TXNRD1: variants seen among roughly 807,000 people sequenced by gnomAD.
TXNRD1 encodes the protein thioredoxin reductase 1, also known as thioredoxin reductase 1, cytoplasmic.
Under a neutral mutation model 80.3 loss-of-function variants are expected in TXNRD1, and 57 were observed. That is an observed-to-expected ratio of 0.71 (90% CI 0.57 to 0.89). The LOEUF (loss-of-function observed/expected upper bound fraction) is 0.89. TXNRD1 is among the 40% of genes least tolerant of loss of function. TXNRD1 has a pLI of 0.00. For missense variants in TXNRD1, 730 were observed against 803.0 expected, an observed-to-expected ratio of 0.91 and a Z score of 1.10; for synonymous variants, 291 against 285.2, an observed-to-expected ratio of 1.02 and a Z score of -0.20.
At chr12:104,346,312 CA>C (rs2036490508) in intron 16 of TXNRD1, among the ~76,000 whole-genome samples, 1 of 152,180 alleles carries the variant, frequency 6.6e-6, no homozygotes, top group Non-Finnish European at 1.5e-5. Context: ...GGTGCCTGGC[CA>C]GTTTTTTATT....
intron 6 of TXNRD1, among the ~76,000 whole-genome samples, chr12:104,315,295 C>A (rs886417875): frequency 2.0e-5 from 3 of 152,186 alleles, no homozygotes; most frequent in Non-Finnish European, 4.4e-5. Flanking sequence ...CGAAAACTTA[C>A]ATTAACCTAC....
chr12:104,224,852 C>A (rs1232008326), intron 1 of TXNRD1: 1 of 456,676 alleles, frequency 2.2e-6, no homozygotes, highest in Non-Finnish European at 4.4e-6. Context: ...TTTTATCTAC[C>A]TCTCTGCCCC....
At chr12:104,259,372 C>T (rs1353145814) in intron 3 of TXNRD1, among the ~76,000 whole-genome samples, 3 of 151,304 alleles carry the variant, frequency 2.0e-5, no homozygotes, top group Non-Finnish European at 4.4e-5. Flanking sequence ...CAGAGTGAGA[C>T]TCTGTCTCAG....
chr12:104,289,771 A>G (rs1458747429), intron 4 of TXNRD1, among the ~76,000 whole-genome samples: 1 of 151,576 alleles, frequency 6.6e-6, no homozygotes, highest in East Asian at 1.9e-4. Flanking sequence ...TCTGTCACCC[A>G]GAGTGCACTG....
intron 1 of TXNRD1, chr12:104,224,679 T>TG (rs112799289): frequency 0.017 from 6,144 of 360,486 alleles, 200 homozygotes; most frequent in South Asian, 0.071. Context: ...CCACCGCACC[T>TG]ATAGCTGTCT....
intron 3 of TXNRD1, chr12:104,265,304 A>G (rs2033454595): frequency 6.2e-7 from 1 of 1,601,112 alleles, no homozygotes; most frequent in Non-Finnish European, 8.5e-7. Context: ...CGCGGAGAGC[A>G]CGCCATGAAG....
At chr12:104,313,124 TATTA>T in intron 5 of TXNRD1, 117 bp from the exon 6 acceptor site, 4 of 659,616 alleles carry the variant, frequency 6.1e-6, no homozygotes, top group Non-Finnish European at 1.1e-5. Flanking sequence ...AGTACCCAGG[TATTA>T]ATTATTCGTT....
chr12:104,266,414 T>A (rs949935576), intron 3 of TXNRD1, among the ~76,000 whole-genome samples: 1 of 149,508 alleles, frequency 6.7e-6, no homozygotes, highest in African/African-American at 2.5e-5. Context: ...TAGTCCTACC[T>A]ACTAGGGAGG....
At chr12:104,287,458 G>A (rs757717685) in intron 3 of TXNRD1, 1 of 1,611,540 alleles carries the variant, frequency 6.2e-7, no homozygotes, top group East Asian at 2.2e-5. Context: ...TACAGAGTCC[G>A]AGTCTTGAAA....
chr12:104,229,899 T>C (rs543581666), intron 1 of TXNRD1, among the ~76,000 whole-genome samples: 14 of 151,972 alleles, frequency 9.2e-5, no homozygotes, highest in Admixed American at 2.0e-4. Flanking sequence ...GCAATTTTTA[T>C]TTCTATTTTA....
chr12:104,226,406 T>C (rs1453624736), intron 1 of TXNRD1, among the ~76,000 whole-genome samples: 1 of 152,150 alleles, frequency 6.6e-6, no homozygotes, highest in Non-Finnish European at 1.5e-5. Context: ...ATAAGTTCAG[T>C]TATGTCCCTG....
rs760813288 is a variant in TXNRD1 at position 104,215,808 on chromosome 12, C to A, written c.6C>A (p.Gly2=). The part of the protein sequence containing the change: M[G]CAEGKAVAAA... ...CCCACAGGGCCTTGTGCGACATGGG[C>A]TGCGCCGAGGGCAAGGCAGTGGCGG... The change falls in exon 1 of 17, where the codon GGC becomes GGA. Residue 2 remains glycine, a synonymous_variant. Coordinates refer to ENST00000525566, the MANE Select transcript of TXNRD1 (RefSeq NM_001093771.3). 167 of 1,559,938 alleles carry A rather than the reference C, an allele frequency of 1.1e-4. No individual in the cohort carries two copies. The highest frequency in any genetic ancestry group is 1.4e-4 in the Non-Finnish European group (161 of 1,152,526).
intron 3 of TXNRD1, among the ~76,000 whole-genome samples, chr12:104,275,908 A>G (rs796307753): frequency 2.0e-5 from 3 of 152,310 alleles, no homozygotes; most frequent in African/African-American, 7.2e-5. Flanking sequence ...CAATCACCAC[A>G]TGAAGTGTAG....
At chr12:104,295,713 A>G (rs1220878374) in intron 4 of TXNRD1, among the ~76,000 whole-genome samples, 1 of 152,214 alleles carries the variant, frequency 6.6e-6, no homozygotes, top group Non-Finnish European at 1.5e-5. Flanking sequence ...ATACAAGACC[A>G]AAGTTTTCCA....
At chr12:104,297,189 C>T (rs1226853029) in intron 4 of TXNRD1, among the ~76,000 whole-genome samples, 1 of 151,100 alleles carries the variant, frequency 6.6e-6, no homozygotes, top group Non-Finnish European at 1.5e-5. Flanking sequence ...CCTGTAATCC[C>T]AGCTACTCAG....
At chr12:104,266,941 G>A (rs1333064912) in intron 3 of TXNRD1, among the ~76,000 whole-genome samples, 4 of 147,044 alleles carry the variant, frequency 2.7e-5, no homozygotes, top group African/African-American at 1.0e-4. Flanking sequence ...CAGCCCAGGC[G>A]ACAGAGCGAG....
chr12:104,310,131 G>A (rs1459385432), intron 4 of TXNRD1: 13 of 1,465,490 alleles, frequency 8.9e-6, no homozygotes, highest in Non-Finnish European at 1.2e-5. Context: ...TGTTATTAAA[G>A]TTAAGGCTTT....
chr12:104,234,234 A>C (rs1385072915), intron 1 of TXNRD1, among the ~76,000 whole-genome samples: 1 of 152,218 alleles, frequency 6.6e-6, no homozygotes, highest in African/African-American at 2.4e-5. Flanking sequence ...TTTTGCCAAT[A>C]ATCTTTGAGA....
chr12:104,245,323 C>T (rs2032955201), intron 1 of TXNRD1, among the ~76,000 whole-genome samples: 1 of 150,940 alleles, frequency 6.6e-6, no homozygotes, highest in South Asian at 2.1e-4. Context: ...ACCAGCCTGA[C>T]CAACATAGTG....
Sources: gnomAD v4.1 joint callset for allele counts (sites outside exome capture counted in the v4.1 genomes callset) on GRCh38, gnomAD v4.1.1 for gene constraint, MANE v1.5 for transcripts, NCBI Gene and HGNC (gene_info 2026-07-23, HGNC 2026-07-21) for gene names.